The following ARMC8 variants were observed in gnomAD, a reference collection of about 807,000 sequenced individuals.
ARMC8 encodes armadillo repeat-containing protein 8.
In ARMC8, 20 loss-of-function variants were observed where a neutral mutation model predicts 99.3. The observed-to-expected ratio is 0.20, with a 90% CI of 0.14 to 0.29. ARMC8 has a LOEUF of 0.29. ARMC8 is among the 10% of genes least tolerant of loss of function. The pLI is 1.00. For synonymous variants in ARMC8, 263 were observed against 278.3 expected, an observed-to-expected ratio of 0.95 and a Z score of 0.55; for missense variants, 569 against 809.5, an observed-to-expected ratio of 0.70 and a Z score of 3.60.
At chr3:138,205,416 C>T (rs1340161258) in intron 1 of ARMC8, among the ~76,000 whole-genome samples, 7 of 152,140 alleles carry the variant, frequency 4.6e-5, no homozygotes, top group African/African-American at 1.7e-4. Context: ...CTCTCACACC[C>T]TACATCGAGT....
intron 2 of ARMC8, 35 bp downstream of exon 2, chr3:138,209,928 T>C: frequency 1.3e-6 from 2 of 1,538,824 alleles, no homozygotes; most frequent in Admixed American, 1.7e-5. Context: ...TATCAAAAAG[T>C]TGTTTGTTTT....
At chr3:138,204,016 T>G (rs1366591589) in intron 1 of ARMC8, among the ~76,000 whole-genome samples, 6 of 152,348 alleles carry the variant, frequency 3.9e-5, no homozygotes, top group Admixed American at 2.6e-4. Flanking sequence ...GTCTTATTCC[T>G]TCTCCTCTTT....
intron 6 of ARMC8, among the ~76,000 whole-genome samples, chr3:138,232,154 T>A (rs557943151): frequency 1.1e-3 from 163 of 151,284 alleles, no homozygotes; most frequent in African/African-American, 3.1e-3. Context: ...TATTTTTTTT[T>A]AAGTAGAGAT....
At chr3:138,265,154 A>C (rs1398257441) in intron 14 of ARMC8, among the ~76,000 whole-genome samples, 4 of 152,002 alleles carry the variant, frequency 2.6e-5, no homozygotes, top group Non-Finnish European at 5.9e-5. Flanking sequence ...TTGGCCTCCC[A>C]AAGTGTTGGC....
chr3:138,268,098 C>T (rs2048445499), intron 15 of ARMC8, among the ~76,000 whole-genome samples: 1 of 151,970 alleles, frequency 6.6e-6, no homozygotes, highest in African/African-American at 2.4e-5. Context: ...CAAAAATTAG[C>T]CGGGGGTGGT....
At chr3:138,281,536 C>T (rs1197687892) in intron 18 of ARMC8, among the ~76,000 whole-genome samples, 2 of 152,088 alleles carry the variant, frequency 1.3e-5, no homozygotes, top group Non-Finnish European at 2.9e-5. Context: ...CGTAATCCAC[C>T]CGCTTTGGTC....
intron 6 of ARMC8, among the ~76,000 whole-genome samples, chr3:138,232,294 A>T (rs1207463420): frequency 6.6e-6 from 1 of 152,012 alleles, no homozygotes; most frequent in East Asian, 1.9e-4. Context: ...CTGCTTTTAC[A>T]CAATTTTGTG....
intron 3 of ARMC8, among the ~76,000 whole-genome samples, chr3:138,222,942 C>T (rs1022794607): frequency 1.3e-5 from 2 of 152,116 alleles, no homozygotes; most frequent in African/African-American, 4.8e-5. Flanking sequence ...TGAGGAGCTG[C>T]ACAAGGGCTC....
intron 12 of ARMC8, chr3:138,246,690 C>T (rs930612605): frequency 2.5e-5 from 25 of 983,452 alleles, no homozygotes; most frequent in Admixed American, 6.2e-5. Flanking sequence ...CTTCTTTGTA[C>T]TTTTTTGTTA....
At chr3:138,268,446 G>A (rs184451077) in intron 15 of ARMC8, among the ~76,000 whole-genome samples, 20 of 152,236 alleles carry the variant, frequency 1.3e-4, no homozygotes, top group Admixed American at 1.0e-3. Flanking sequence ...GTGTACCACC[G>A]TTAATCATCC....
At chr3:138,295,799 G>A in intron 21 of ARMC8, 60 bp from the exon 22 acceptor site, 1 of 1,581,364 alleles carries the variant, frequency 6.3e-7, no homozygotes, top group South Asian at 1.1e-5. Context: ...TTGAACCATA[G>A]GGTTTTTTAC....
At chr3:138,223,606 A>G (rs1475483544) in intron 4 of ARMC8, 30 bp from the exon 5 acceptor site, 3 of 1,613,866 alleles carry the variant, frequency 1.9e-6, no homozygotes, top group Non-Finnish European at 2.5e-6. Flanking sequence ...GGTTGAAAGG[A>G]TTAGTCCTAA....
At chr3:138,205,329 G>A (rs751975872) in intron 1 of ARMC8, among the ~76,000 whole-genome samples, 32 of 151,854 alleles carry the variant, frequency 2.1e-4, no homozygotes, top group Non-Finnish European at 3.2e-4. Flanking sequence ...GATTACAGGC[G>A]TGAGCCACCA....
intron 17 of ARMC8, among the ~76,000 whole-genome samples, chr3:138,273,831 T>G (rs888112893): frequency 6.6e-6 from 1 of 152,088 alleles, no homozygotes; most frequent in Non-Finnish European, 1.5e-5. Context: ...CTTTTTTTTT[T>G]TTTGAGACAG....
intron 1 of ARMC8, among the ~76,000 whole-genome samples, chr3:138,206,893 TA>T (rs755250545): frequency 1.1e-4 from 17 of 152,248 alleles, no homozygotes; most frequent in Non-Finnish European, 2.2e-4. Context: ...CAATTTCAGA[TA>T]CTAAGCTTCT....
intron 1 of ARMC8, among the ~76,000 whole-genome samples, chr3:138,197,480 T>G (rs1424566709): frequency 1.3e-5 from 2 of 152,228 alleles, no homozygotes; most frequent in East Asian, 3.8e-4. Context: ...ATTTCAACTA[T>G]TCTTATGGGC....
At chr3:138,234,293 GT>G (rs2046217943) in intron 6 of ARMC8, among the ~76,000 whole-genome samples, 1 of 152,032 alleles carries the variant, frequency 6.6e-6, no homozygotes, top group Non-Finnish European at 1.5e-5. Flanking sequence ...TGTATTTTTA[GT>G]AGAGACGGGA....
At chr3:138,235,234 A>G (rs1576711477) in intron 7 of ARMC8, 120 bp downstream of exon 7, 1 of 716,380 alleles carries the variant, frequency 1.4e-6, no homozygotes, top group East Asian at 2.8e-5. Flanking sequence ...TTATCAGTAA[A>G]ATGTTATAGG....
intron 12 of ARMC8, among the ~76,000 whole-genome samples, chr3:138,251,435 A>G (rs2047118774): frequency 6.6e-6 from 1 of 152,210 alleles, no homozygotes. Context: ...AAGGTTTTCC[A>G]TGGTACCACA....
Sources: allele counts gnomAD v4.1 joint callset (sites outside exome capture counted in the v4.1 genomes callset), GRCh38; gene constraint gnomAD v4.1.1; transcripts MANE v1.5; gene names NCBI Gene and HGNC (gene_info 2026-07-23, HGNC 2026-07-21).